Variants in NTM observed in about 807,000 individuals in gnomAD.
NTM encodes neurotrimin.
In NTM, 13 loss-of-function variants were observed where a neutral mutation model predicts 42.1. The ratio of observed to expected loss-of-function variants is 0.31; its 90% confidence interval spans 0.20 to 0.49. The LOEUF is 0.49. Ranked by LOEUF, NTM falls within the 20% of genes least tolerant of loss-of-function variation. NTM has a pLI of 0.99. For synonymous variants in NTM, 187 were observed against 179.2 expected (o/e 1.04, Z -0.35); for missense variants, 373 against 452.8 (o/e 0.82, Z 1.60).
At chr11:132,183,288 A>G (rs1191496671) in intron 3 of NTM, among the ~76,000 whole-genome samples, 1 of 152,204 alleles carries the variant, frequency 6.6e-6, no homozygotes, top group Non-Finnish European at 1.5e-5. Flanking sequence ...AGATTAGTTA[A>G]CCATACCCCA....
chr11:131,876,112 TC>T (rs1225065961), intron 1 of NTM, among the ~76,000 whole-genome samples: 4 of 152,236 alleles, frequency 2.6e-5, no homozygotes, highest in Admixed American at 2.6e-4. Flanking sequence ...CATATTTTTT[TC>T]CTTTTCTCCC....
At chr11:131,525,909 A>G (rs2050411803) in intron 1 of NTM, among the ~76,000 whole-genome samples, 1 of 152,206 alleles carries the variant, frequency 6.6e-6, no homozygotes, top group Non-Finnish European at 1.5e-5. Flanking sequence ...CCTGAGATCA[A>G]CAAGTAAACG....
At chr11:131,721,666 G>A (rs868581342) in intron 1 of NTM, among the ~76,000 whole-genome samples, 1 of 152,068 alleles carries the variant, frequency 6.6e-6, no homozygotes, top group South Asian at 2.1e-4. Context: ...ATTAAGGATT[G>A]TATTGCCAAT....
chr11:131,737,027 A>G (rs2080547468), intron 1 of NTM, among the ~76,000 whole-genome samples: 1 of 152,172 alleles, frequency 6.6e-6, no homozygotes, highest in Non-Finnish European at 1.5e-5. Context: ...CTGCTCCTTC[A>G]TAGGCATGGC....
At chr11:131,415,382 T>C (rs1946841541) in intron 1 of NTM, among the ~76,000 whole-genome samples, 1 of 152,184 alleles carries the variant, frequency 6.6e-6, no homozygotes. Flanking sequence ...ACACACTGAA[T>C]GCTATTCGTC....
At chr11:131,933,932 C>T (rs571055823) in intron 2 of NTM, among the ~76,000 whole-genome samples, 5 of 152,158 alleles carry the variant, frequency 3.3e-5, no homozygotes, top group African/African-American at 1.2e-4. Context: ...TCCTTTAACA[C>T]TCAGAGCCCC....
chr11:131,973,290 C>T (rs911967030), intron 2 of NTM, among the ~76,000 whole-genome samples: 18 of 152,168 alleles, frequency 1.2e-4, no homozygotes, highest in Non-Finnish European at 1.9e-4. Flanking sequence ...GATTCTGCAG[C>T]GGTAACTCAG....
rs2069611018 is a variant in NTM, at chr11:132,002,757, T to C, written c.167+91109T>C. 6.6e-6 allele frequency among the ~76,000 whole-genome samples: 1 copy of C among 152,168 alleles called. No homozygotes were observed. Among genetic ancestry groups the C allele is most frequent in the Non-Finnish European group, 1.5e-5 (1 of 68,032 alleles). ...CAAGTTCTGCCACTTCCTTACTCTG[T>C]CTCTTTATCAATAAACTCATTGGGA... On this transcript the variant is annotated intron_variant, in intron 2 of 8. Transcript: ENST00000683400. This position sits in a 1 kb window ranked among gnomAD's most constrained non-coding sequence, Gnocchi z 4.5.
At chr11:131,664,365 A>G (rs991905192) in intron 1 of NTM, among the ~76,000 whole-genome samples, 7 of 152,236 alleles carry the variant, frequency 4.6e-5, no homozygotes, top group African/African-American at 1.7e-4. Context: ...CTCTCATCAT[A>G]GCCTTCCAAA....
At chr11:131,866,029 C>T (rs865900769) in intron 1 of NTM, among the ~76,000 whole-genome samples, 2 of 150,376 alleles carry the variant, frequency 1.3e-5, no homozygotes, top group Admixed American at 6.6e-5. Context: ...CTCACACATG[C>T]TACATACACA....
chr11:131,396,909 C>T (rs767988091), intron 1 of NTM, among the ~76,000 whole-genome samples: 1 of 152,120 alleles, frequency 6.6e-6, no homozygotes, highest in South Asian at 2.1e-4. Flanking sequence ...GGGAAGCTCA[C>T]GTCACCTCTC....
Position 131,533,287 on chromosome 11 carries a change from C to T in NTM, c.82+162399C>T, listed in dbSNP as rs554999611. 1.6e-4 allele frequency among the ~76,000 whole-genome samples: 24 copies of T among 152,266 alleles called. No homozygotes were observed. In the East Asian group the frequency reaches 4.4e-3, roughly 28 times the overall value. ...GCCATTGGATTAGAAACACATTATC[C>T]TTGTCTGATTCGCTCACACCCACAT... On this transcript the variant is annotated intron_variant, in intron 1 of 8. Coordinates refer to ENST00000683400, the MANE Select transcript of NTM (RefSeq NM_001352005.2).
chr11:131,824,234 G>A (rs1286790379), intron 1 of NTM, among the ~76,000 whole-genome samples: 1 of 152,138 alleles, frequency 6.6e-6, no homozygotes, highest in Non-Finnish European at 1.5e-5. Context: ...GTGTAGGGGA[G>A]AATAATTCAA....
intron 4 of NTM, among the ~76,000 whole-genome samples, chr11:132,246,738 G>C (rs1328250247): frequency 6.6e-6 from 1 of 152,214 alleles, no homozygotes; most frequent in Non-Finnish European, 1.5e-5. Context: ...TGTAGTTATA[G>C]CTCGGGAAGG....
intron 1 of NTM, among the ~76,000 whole-genome samples, chr11:131,609,554 A>C (rs1353336388): frequency 1.3e-5 from 2 of 152,172 alleles, no homozygotes; most frequent in Non-Finnish European, 2.9e-5. Context: ...GCTTGGACTT[A>C]ATCCCGAGAA....
intron 2 of NTM, among the ~76,000 whole-genome samples, chr11:132,086,041 A>G (rs1028606056): frequency 6.6e-6 from 1 of 152,102 alleles, no homozygotes; most frequent in Non-Finnish European, 1.5e-5. Flanking sequence ...GTGGCAAGAC[A>G]AGGCAGGGCA....
intron 2 of NTM, among the ~76,000 whole-genome samples, chr11:132,118,178 G>GT (rs2064174313): frequency 6.6e-6 from 1 of 152,076 alleles, no homozygotes; most frequent in Non-Finnish European, 1.5e-5. Context: ...TTTTAAAAGC[G>GT]TAAGTTGAGC....
At chr11:132,019,804 A>C in intron 2 of NTM, among the ~76,000 whole-genome samples, 1 of 151,972 alleles carries the variant, frequency 6.6e-6, no homozygotes, top group Admixed American at 6.6e-5. Context: ...TTTTTATCCA[A>C]TCTGACAATC....
intron 4 of NTM, among the ~76,000 whole-genome samples, chr11:132,219,217 C>T (rs1440316647): frequency 1.3e-5 from 2 of 152,170 alleles, no homozygotes; most frequent in African/African-American, 2.4e-5. Context: ...TTGAAAGCCT[C>T]TGGTGACTTT....
Sources: gnomAD v4.1 joint callset for allele counts (sites outside exome capture counted in the v4.1 genomes callset) on GRCh38, gnomAD v4.1.1 for gene constraint, Gnocchi (gnomAD v3.1) non-coding constraint, MANE v1.5 for transcripts, NCBI Gene and HGNC (gene_info 2026-07-23, HGNC 2026-07-21) for gene names.